PCDHGC3: variants seen among roughly 807,000 people sequenced by gnomAD.
PCDHGC3 encodes protocadherin gamma-C3.
Under a neutral mutation model 59.2 loss-of-function variants are expected in PCDHGC3, and 26 were observed. The ratio of observed to expected loss-of-function variants is 0.44; its 90% confidence interval spans 0.32 to 0.61. PCDHGC3 has a LOEUF of 0.61. Ranked by LOEUF, PCDHGC3 falls within the 20% of genes least tolerant of loss-of-function variation. PCDHGC3 has a pLI of 0.05. For synonymous variants in PCDHGC3, 487 were observed against 519.7 expected, an observed-to-expected ratio of 0.94 and a Z score of 0.86; for missense variants, 1,080 against 1,221.8, an observed-to-expected ratio of 0.88 and a Z score of 1.73.
intron 1 of PCDHGC3, chr5:141,478,781 A>G: frequency 6.7e-7 from 1 of 1,485,388 alleles, no homozygotes; most frequent in Non-Finnish European, 9.0e-7. Flanking sequence ...TGTGGACCTA[A>G]TTCACATCCT....
At position 141,511,181 on chromosome 5, in the gene PCDHGC3, G is replaced by A. The variant is rs1301391138; in HGVS notation, c.*8G>A. On this transcript the variant is annotated 3_prime_UTR_variant, in exon 4 of 4. Transcript: ENST00000308177. Reference sequence around the variant, plus strand: ...AAGAAGGAGAAGAAGTAACATGGAGGCCAGGCCAAGAGCCACAGGGCGGCC... The same window carrying A: ...AAGAAGGAGAAGAAGTAACATGGAGACCAGGCCAAGAGCCACAGGGCGGCC... 6.2e-7 allele frequency: 1 copy of A among 1,614,016 alleles called. No homozygotes were observed. The highest frequency in any genetic ancestry group is 1.7e-5 in the Admixed American group (1 of 60,016).
At position 141,478,227 on chromosome 5, in the gene PCDHGC3, G is replaced by A; in HGVS notation, c.2111G>A (p.Gly704Glu). The A allele has an allele frequency of 6.2e-7, 1 of 1,614,104 alleles. No homozygotes were observed. The highest frequency in any genetic ancestry group is 8.5e-7 in the Non-Finnish European group (1 of 1,180,030). Residue 704 changes from glycine to glutamate, a missense_variant, in exon 1 of 4, where the codon GGG (glycine) becomes GAG (glutamate). Coordinates refer to ENST00000308177, the MANE Select transcript of PCDHGC3 (RefSeq NM_002588.4). ...CTTTCTCTAATCCTGGTTTCTGTGG[G>A]GTTTGTGGTCACAGTGTTCGGAGTA... ...LLLSLILVSV[G>E]FVVTVFGVII...
Position 141,486,142 on chromosome 5 carries a change from C to T in PCDHGC3, c.2430+7596C>T. 6.2e-7 allele frequency: 1 copy of T among 1,614,200 alleles called. No homozygotes were observed. The highest frequency in any genetic ancestry group is 1.3e-5 in the African/African-American group (1 of 75,052). ...ACTATGAATTTGATGTGCGGGCTCG[C>T]GATGGGGGTTCTCCAGCCATGGAGC... On this transcript the variant is annotated intron_variant, in intron 1 of 3. Coordinates refer to ENST00000308177, the MANE Select transcript of PCDHGC3 (RefSeq NM_002588.4). This position sits in a 1 kb window ranked among gnomAD's most constrained non-coding sequence, Gnocchi z 5.0.
At position 141,477,850 on chromosome 5, in the gene PCDHGC3, G is replaced by A; in HGVS notation, c.1734G>A (p.Glu578=). Residue 578 remains glutamate (E), a synonymous_variant, in exon 1 of 4, where the codon GAG becomes GAA. Transcript: ENST00000308177. The surrounding 1 kb of genome is among the most constrained non-coding windows in gnomAD (Gnocchi z 4.9). The part of the protein sequence containing the change: ...LYPRPGGSSV[E]MLPRGTSAGH... ...CTCGGCCAGGTGGGAGCTCGGTGGAGATGCTGCCTCGAGGTACCTCAGCTG... is the reference window on the plus strand; with the variant it reads ...CTCGGCCAGGTGGGAGCTCGGTGGAAATGCTGCCTCGAGGTACCTCAGCTG... 6.2e-7 allele frequency: 1 copy of A among 1,613,446 alleles called. No homozygotes were observed. Among genetic ancestry groups the A allele is most frequent in the Admixed American group, 1.7e-5 (1 of 59,958 alleles).
At chr5:141,494,156 C>T (rs566096073) in intron 1 of PCDHGC3, among the ~76,000 whole-genome samples, 22 of 152,316 alleles carry the variant, frequency 1.4e-4, no homozygotes, top group African/African-American at 4.3e-4. Context: ...TTGTCTGGCA[C>T]GGAGTTCTAG....
At position 141,487,362 on chromosome 5, in the gene PCDHGC3, C is replaced by T; in HGVS notation, c.2431-7445C>T. On this transcript the variant is annotated intron_variant, in intron 1 of 3. Transcript: ENST00000308177. The surrounding 1 kb of genome is among the most constrained non-coding windows in gnomAD (Gnocchi z 5.0). The stretch of plus-strand genomic sequence containing the variant: ...GGAGTCACATGCTTTCCTGCTGGCA[C>T]CTGTGCCTGTCTCACCAGATCTCGA... 3 of 1,614,200 alleles carry T rather than the reference C, an allele frequency of 1.9e-6. No homozygotes were observed. Among genetic ancestry groups the T allele is most frequent in the Non-Finnish European group, 2.5e-6 (3 of 1,180,044 alleles).
At chr5:141,495,193 T>G (rs1471524188) in intron 2 of PCDHGC3, among the ~76,000 whole-genome samples, 2 of 152,192 alleles carry the variant, frequency 1.3e-5, no homozygotes, top group Non-Finnish European at 2.9e-5. Flanking sequence ...TCTATGCCCA[T>G]GTACTGCCTA....
chr5:141,491,407 G>A lies in PCDHGC3; in HGVS notation c.2431-3400G>A. ...GAAGTGCCTTCAGGGAAACGCAGAC[G>A]GGGACGGGGGTGGAGGGCAGTGCTG... is the stretch of plus-strand genomic sequence containing the variant. On this transcript the variant is annotated intron_variant, in intron 1 of 3. Transcript: ENST00000308177. The surrounding 1 kb of genome is among the most constrained non-coding windows in gnomAD (Gnocchi z 6.9). The A allele has an allele frequency of 6.2e-7, 1 of 1,614,116 alleles. No individual in the cohort carries two copies. The highest frequency in any genetic ancestry group is 8.5e-7 in the Non-Finnish European group (1 of 1,180,000).
intron 1 of PCDHGC3, among the ~76,000 whole-genome samples, chr5:141,481,293 TC>T (rs2099535148): frequency 6.6e-6 from 1 of 152,174 alleles, no homozygotes; most frequent in South Asian, 2.1e-4. Context: ...ATTTCAGTCA[TC>T]TAAGGGAAAA....
intron 1 of PCDHGC3, among the ~76,000 whole-genome samples, chr5:141,492,435 C>T (rs191116850): frequency 8.5e-5 from 13 of 152,348 alleles, no homozygotes; most frequent in Admixed American, 8.5e-4. Context: ...CTCAGGAGTA[C>T]TCGTAGCTGA....
chr5:141,480,599 C>A (rs1202373543), intron 1 of PCDHGC3, among the ~76,000 whole-genome samples: 1 of 141,438 alleles, frequency 7.1e-6, no homozygotes, highest in East Asian at 1.9e-4. Flanking sequence ...TCTGGTCAGC[C>A]TGGAAAGCAA....
At chr5:141,497,677 C>T in intron 2 of PCDHGC3, among the ~76,000 whole-genome samples, 1 of 151,836 alleles carries the variant, frequency 6.6e-6, no homozygotes, top group East Asian at 1.9e-4. Context: ...GTAGCTGGGA[C>T]AGCAGGTGTG....
intron 1 of PCDHGC3, among the ~76,000 whole-genome samples, chr5:141,482,530 C>CGAAAAAAA (rs2099566141): frequency 1.3e-5 from 1 of 76,562 alleles, no homozygotes; most frequent in African/African-American, 4.8e-5. Context: ...GACAGACATG[C>CGAAAAAAA]AAAAAAAAAA....
chr5:141,493,330 A>G lies in PCDHGC3; in HGVS notation c.2431-1477A>G, dbSNP rs979607147. 6.6e-6 allele frequency among the ~76,000 whole-genome samples: 1 copy of G among 152,182 alleles called. No homozygotes were observed. Among genetic ancestry groups the G allele is most frequent in the Non-Finnish European group, 1.5e-5 (1 of 68,020 alleles). On this transcript the variant is annotated intron_variant, in intron 1 of 3. Coordinates refer to ENST00000308177, the MANE Select transcript of PCDHGC3 (RefSeq NM_002588.4). The surrounding 1 kb of genome is among the most constrained non-coding windows in gnomAD (Gnocchi z 4.3). ...GTAAGAGAGATTCTAACCCCTGTCT[A>G]ACTCCAGAATGTGTGCTTTTAATTT... is the stretch of plus-strand genomic sequence containing the variant.
intron 2 of PCDHGC3, among the ~76,000 whole-genome samples, chr5:141,502,024 C>T (rs2099812413): frequency 2.0e-5 from 3 of 152,152 alleles, no homozygotes; most frequent in Admixed American, 1.3e-4. Context: ...TCCCTGCAAC[C>T]CCCGCCGCTT....
chr5:141,485,964 T>A lies in PCDHGC3; in HGVS notation c.2430+7418T>A. 1 of 1,614,162 alleles carries A rather than the reference T, an allele frequency of 6.2e-7. No homozygotes were observed. The highest frequency in any genetic ancestry group is 8.5e-7 in the Non-Finnish European group (1 of 1,180,000). On this transcript the variant is annotated intron_variant, in intron 1 of 3. Transcript: ENST00000308177. The surrounding 1 kb of genome is among the most constrained non-coding windows in gnomAD (Gnocchi z 5.7). ...CCAGCGGGCATGGTGCTCATCCAGC[T>A]CAATGCCTCAGACCCGGACCTGGGT...
In PCDHGC3 at chr5:141,491,491, G is replaced by C. The variant is rs2099717103; in HGVS notation, c.2431-3316G>C. The C allele has an allele frequency of 1.2e-6, 2 of 1,614,042 alleles. No homozygotes were observed. The highest frequency in any genetic ancestry group is 1.7e-5 in the Admixed American group (1 of 60,016). The stretch of plus-strand genomic sequence containing the variant: ...TAAGCAGTCCAGCCCCAACCTGCAG[G>C]TGAGCTCGGACGGCACGCTCAAGTA... On this transcript the variant is annotated intron_variant, in intron 1 of 3. Transcript: ENST00000308177. The surrounding 1 kb of genome is among the most constrained non-coding windows in gnomAD (Gnocchi z 6.9).
chr5:141,498,967 GGGAGGGAAGGAAGGAA>G (rs1333462541), intron 2 of PCDHGC3, among the ~76,000 whole-genome samples: 8 of 129,672 alleles, frequency 6.2e-5, no homozygotes, highest in East Asian at 2.2e-4. Context: ...GAGGGAGGGA[GGGAGGGAAGGAAGGAA>G]GGAAGGAAGG....
rs367919924 is a variant in PCDHGC3, at chr5:141,487,711, T to A, written c.2431-7096T>A. The A allele has an allele frequency of 1.1e-5, 18 of 1,586,144 alleles. No individual in the cohort carries two copies. In the African/African-American group the frequency reaches 2.1e-4, roughly 19 times the overall value. On this transcript the variant is annotated intron_variant, in intron 1 of 3. Transcript: ENST00000308177. The surrounding 1 kb of genome is among the most constrained non-coding windows in gnomAD (Gnocchi z 5.0). ...TAGAGAGTACTGGCCTCTCAGTAAG[T>A]GCCCATAGTGATGTCACCATTTTTG...
Sources: allele counts gnomAD v4.1 joint callset (sites outside exome capture counted in the v4.1 genomes callset), GRCh38; gene constraint gnomAD v4.1.1; non-coding constraint Gnocchi (gnomAD v3.1); transcripts MANE v1.5; gene names NCBI Gene and HGNC (gene_info 2026-07-23, HGNC 2026-07-21).